The following BLTP3B variants were observed in gnomAD, a reference collection of about 807,000 sequenced individuals.
BLTP3B encodes bridge-like lipid transfer protein family member 3B.
the BLTP3B span, among the ~76,000 whole-genome samples, chr12:100,122,253 A>C: frequency 6.6e-6 from 1 of 152,210 alleles, no homozygotes; most frequent in African/African-American, 2.4e-5. Flanking sequence ...TTAAGCTTAA[A>C]AAAGTGGAGC....
chr12:100,113,321 C>G, the BLTP3B span, among the ~76,000 whole-genome samples: 1 of 151,794 alleles, frequency 6.6e-6, no homozygotes, highest in Non-Finnish European at 1.5e-5. Context: ...ACTAAAAATA[C>G]AGAAAAATTA....
chr12:100,057,634 T>G, the BLTP3B span: 1 of 1,612,842 alleles, frequency 6.2e-7, no homozygotes, highest in Non-Finnish European at 8.5e-7. Flanking sequence ...TCCAATATCA[T>G]GCTGTCAAGT....
chr12:100,072,803 G>C, the BLTP3B span: 7 of 1,590,746 alleles, frequency 4.4e-6, no homozygotes, highest in South Asian at 8.2e-5. Context: ...ACATTGTTCC[G>C]CTGTAGAGAC....
the BLTP3B span, among the ~76,000 whole-genome samples, chr12:100,040,760 A>G: frequency 6.6e-6 from 1 of 152,188 alleles, no homozygotes; most frequent in African/African-American, 2.4e-5. Context: ...AAAGACAATA[A>G]CTACCTAAAT....
the BLTP3B span, chr12:100,058,154 T>C: frequency 3.1e-6 from 5 of 1,613,500 alleles, no homozygotes; most frequent in African/African-American, 1.3e-5. Flanking sequence ...ACTCTATGGT[T>C]TCATTTCCTT....
At chr12:100,085,345 TCAA>T in the BLTP3B span, among the ~76,000 whole-genome samples, 1 of 144,876 alleles carries the variant, frequency 6.9e-6, no homozygotes, top group Non-Finnish European at 1.5e-5. Flanking sequence ...AGGCCTTGGA[TCAA>T]AAAAAAAAAA....
chr12:100,040,730 T>C, the BLTP3B span, among the ~76,000 whole-genome samples: 3 of 151,896 alleles, frequency 2.0e-5, no homozygotes, highest in Non-Finnish European at 1.5e-5. Context: ...GTAACTTAGA[T>C]GAAACAGACA....
the BLTP3B span, chr12:100,098,283 A>ATTT: frequency 6.8e-7 from 1 of 1,477,082 alleles, no homozygotes; most frequent in South Asian, 1.4e-5. Context: ...ATGAGATGTG[A>ATTT]TTTTTTTAAT....
At chr12:100,050,922 T>TG in the BLTP3B span, among the ~76,000 whole-genome samples, 1 of 152,052 alleles carries the variant, frequency 6.6e-6, no homozygotes, top group East Asian at 1.9e-4. Flanking sequence ...GAAAAACGAT[T>TG]GGGGGGAGGC....
the BLTP3B span, chr12:100,084,656 C>A: frequency 6.2e-7 from 1 of 1,612,722 alleles, no homozygotes; most frequent in Non-Finnish European, 8.5e-7. Context: ...TTACAACTAT[C>A]TCCTGTAAAA....
At chr12:100,050,280 C>T in the BLTP3B span, 3 of 1,609,246 alleles carry the variant, frequency 1.9e-6, no homozygotes, top group Non-Finnish European at 2.5e-6. Flanking sequence ...TGTCAATTTC[C>T]CCATTAACAC....
At chr12:100,049,136 A>C in the BLTP3B span, among the ~76,000 whole-genome samples, 1 of 152,136 alleles carries the variant, frequency 6.6e-6, no homozygotes, top group Non-Finnish European at 1.5e-5. Flanking sequence ...AGTTGGTAAG[A>C]TTAATAACCC....
the BLTP3B span, among the ~76,000 whole-genome samples, chr12:100,074,593 C>CAAA: frequency 2.9e-5 from 2 of 69,650 alleles, no homozygotes; most frequent in East Asian, 4.0e-4. Context: ...GACTCTGTTT[C>CAAA]AAAAAAAAAA....
the BLTP3B span, chr12:100,142,565 G>A: frequency 6.2e-7 from 1 of 1,604,934 alleles, no homozygotes; most frequent in Non-Finnish European, 8.5e-7. Flanking sequence ...GAGGCCGACT[G>A]GCGCCGACAC....
chr12:100,048,732 G>T, the BLTP3B span, among the ~76,000 whole-genome samples: 3 of 140,294 alleles, frequency 2.1e-5, no homozygotes, highest in Admixed American at 7.2e-5. Flanking sequence ...ATAGTAAGGG[G>T]GGGGAGAGAG....
the BLTP3B span, among the ~76,000 whole-genome samples, chr12:100,048,771 A>AGAGT: frequency 3.5e-5 from 4 of 114,964 alleles, no homozygotes; most frequent in African/African-American, 6.7e-5. Context: ...AGTGAGAGTG[A>AGAGT]GTGTGTGTGT....
chr12:100,067,903 T>A, the BLTP3B span, among the ~76,000 whole-genome samples: 1 of 152,178 alleles, frequency 6.6e-6, no homozygotes, highest in African/African-American at 2.4e-5. Flanking sequence ...GGAATCAATA[T>A]TGGGAAAATG....
At chr12:100,079,230 G>A in the BLTP3B span, among the ~76,000 whole-genome samples, 3 of 152,172 alleles carry the variant, frequency 2.0e-5, no homozygotes, top group Admixed American at 1.3e-4. Flanking sequence ...ACAGGCAGAG[G>A]TTGGAACAGT....
chr12:100,082,055 C>T, the BLTP3B span, among the ~76,000 whole-genome samples: 1 of 152,086 alleles, frequency 6.6e-6, no homozygotes, highest in Non-Finnish European at 1.5e-5. Context: ...CCCTTTTCTC[C>T]ACAACCTCAC....
Sources: allele counts gnomAD v4.1 joint callset (sites outside exome capture counted in the v4.1 genomes callset), GRCh38; gene constraint gnomAD v4.1.1; transcripts MANE v1.5; gene names NCBI Gene and HGNC (gene_info 2026-07-23, HGNC 2026-07-21).